FHOD3: variants seen among roughly 807,000 people sequenced by gnomAD.
FHOD3 encodes the protein formin homology 2 domain containing 3, also known as FH1/FH2 domain-containing protein 3.
FHOD3 carries 90 observed loss-of-function variants against 173.0 expected under a neutral mutation model. The observed-to-expected ratio is 0.52, with a 90% CI of 0.44 to 0.62. The LOEUF (loss-of-function observed/expected upper bound fraction) is 0.62, where lower values mean the gene tolerates loss of function less well. FHOD3 is among the 20% of genes least tolerant of loss of function. The probability of loss-of-function intolerance (pLI) is 0.00; values close to 1 mark genes in which losing one functional copy is unlikely to be tolerated. For missense variants in FHOD3, 1,945 were observed against 2,034.7 expected, an observed-to-expected ratio of 0.96 and a Z score of 0.85; for synonymous variants, 828 against 823.0, an observed-to-expected ratio of 1.01 and a Z score of -0.10.
At chr18:36,451,456 C>A (rs534762702) in intron 3 of FHOD3, among the ~76,000 whole-genome samples, 2 of 152,226 alleles carry the variant, frequency 1.3e-5, no homozygotes, top group African/African-American at 4.8e-5. Flanking sequence ...CATAAATCCC[C>A]CTTTCTCTCT....
Position 36,770,786 on chromosome 18 carries a change from G to A in FHOD3, c.4786+1360G>A, listed in dbSNP as rs1269373257. The stretch of plus-strand genomic sequence containing the variant: ...AGAGATGTTTAAATTCCTGATATCT[G>A]GGCTGCACCCACACACACTACTTCA... On this transcript the variant is annotated intron_variant, in intron 28 of 28. Transcript: ENST00000590592. Among the ~76,000 whole-genome samples the A allele has an allele frequency of 2.6e-5, 4 of 152,110 alleles. No homozygotes were observed. The East Asian group carries it at 7.7e-4, about 29-fold the overall frequency.
chr18:36,586,769 C>T (rs1285523753), intron 6 of FHOD3, among the ~76,000 whole-genome samples: 3 of 152,140 alleles, frequency 2.0e-5, no homozygotes, highest in Non-Finnish European at 4.4e-5. Context: ...CATGAGCCAC[C>T]GTGCCTGGCC....
At chr18:36,499,491 G>T (rs978315228) in intron 3 of FHOD3, among the ~76,000 whole-genome samples, 5 of 152,162 alleles carry the variant, frequency 3.3e-5, no homozygotes, top group Non-Finnish European at 5.9e-5. Context: ...TTCTTTGGGG[G>T]TATACATGGC....
At chr18:36,514,275 G>C (rs529864959) in intron 5 of FHOD3, among the ~76,000 whole-genome samples, 132 of 151,988 alleles carry the variant, frequency 8.7e-4, no homozygotes, top group Non-Finnish European at 1.6e-3. Flanking sequence ...TCCCCAAGTG[G>C]TGGGATTACA....
In FHOD3 at chr18:36,711,384, T is replaced by C. The variant is rs565886557; in HGVS notation, c.2533+1993T>C. On this transcript the variant is annotated intron_variant, in intron 18 of 28. Coordinates refer to ENST00000590592, the MANE Select transcript of FHOD3 (RefSeq NM_001281740.3). The stretch of plus-strand genomic sequence containing the variant: ...TTGAAAAAGTCTCATTCCAGTTATG[T>C]GGTTTAATTTTTCTTTGTTTAATGT... The C allele has an allele frequency of 2.0e-5, 3 of 152,334 alleles. No individual in the cohort carries two copies. The South Asian group carries it at 6.2e-4, about 32-fold the overall frequency. The allele number at this position is 152,334 out of a possible 1,614,324, so 9.4% of individuals were successfully genotyped here.
intron 3 of FHOD3, among the ~76,000 whole-genome samples, chr18:36,429,429 C>T (rs531643585): frequency 5.9e-5 from 9 of 152,218 alleles, no homozygotes; most frequent in East Asian, 3.9e-4. Context: ...GCTCCAGGTA[C>T]GGGTGGGGGC....
At chr18:36,546,966 A>G (rs570637325) in intron 5 of FHOD3, among the ~76,000 whole-genome samples, 63 of 152,306 alleles carry the variant, frequency 4.1e-4, no homozygotes, top group African/African-American at 1.5e-3. Flanking sequence ...CAATGTGCCC[A>G]TGACATTTGG....
At chr18:36,738,660 C>T (rs748700930) in intron 20 of FHOD3, among the ~76,000 whole-genome samples, 1 of 152,144 alleles carries the variant, frequency 6.6e-6, no homozygotes, top group Non-Finnish European at 1.5e-5. Context: ...CATATAGAGT[C>T]TAGTTGTTCT....
At chr18:36,702,625 C>G (rs2039652394) in intron 17 of FHOD3, among the ~76,000 whole-genome samples, 1 of 152,202 alleles carries the variant, frequency 6.6e-6, no homozygotes, top group Admixed American at 6.5e-5. Flanking sequence ...GCAGAGTCAT[C>G]TAGACACTAC....
chr18:36,450,785 C>G (rs1484782283), intron 3 of FHOD3, among the ~76,000 whole-genome samples: 1 of 152,074 alleles, frequency 6.6e-6, no homozygotes, highest in East Asian at 1.9e-4. Context: ...AGAGCAGGAC[C>G]CTGTCTTTTA....
chr18:36,449,538 A>G (rs999276448), intron 3 of FHOD3, among the ~76,000 whole-genome samples: 1 of 152,146 alleles, frequency 6.6e-6, no homozygotes, highest in Non-Finnish European at 1.5e-5. Context: ...CCCCATATTA[A>G]CTGCTTTCCT....
At chr18:36,713,626 T>C (rs1027695356) in intron 18 of FHOD3, among the ~76,000 whole-genome samples, 1 of 152,194 alleles carries the variant, frequency 6.6e-6, no homozygotes, top group African/African-American at 2.4e-5. Context: ...CAATAATGTG[T>C]ATATTTCAAA....
At chr18:36,410,724 T>G (rs1470892304) in intron 3 of FHOD3, among the ~76,000 whole-genome samples, 1 of 152,214 alleles carries the variant, frequency 6.6e-6, no homozygotes, top group African/African-American at 2.4e-5. Context: ...CATCTCAGCA[T>G]GATTTTGATT....
chr18:36,343,898 T>C (rs990946230), intron 1 of FHOD3, among the ~76,000 whole-genome samples: 1 of 151,924 alleles, frequency 6.6e-6, no homozygotes, highest in Non-Finnish European at 1.5e-5. Flanking sequence ...AGAAAGGAGA[T>C]TAGTGGTTGT....
intron 15 of FHOD3, among the ~76,000 whole-genome samples, chr18:36,682,818 A>G (rs1462616537): frequency 6.6e-6 from 1 of 152,184 alleles, no homozygotes; most frequent in Non-Finnish European, 1.5e-5. Context: ...ACCTCAAGTG[A>G]TCCACCTGCC....
intron 1 of FHOD3, among the ~76,000 whole-genome samples, chr18:36,301,822 A>G (rs1035649531): frequency 1.3e-5 from 2 of 152,254 alleles, no homozygotes; most frequent in African/African-American, 4.8e-5. Context: ...TTTTTACAAA[A>G]CACTGGTGAC....
chr18:36,345,550 T>C (rs116466049), intron 1 of FHOD3, among the ~76,000 whole-genome samples: 1,593 of 152,316 alleles, frequency 0.01, 22 homozygotes, highest in African/African-American at 0.036. Flanking sequence ...GAGATCCTCC[T>C]GCCTTAGCCT....
intron 9 of FHOD3, among the ~76,000 whole-genome samples, chr18:36,613,186 G>A (rs1386784253): frequency 6.6e-6 from 1 of 152,212 alleles, no homozygotes; most frequent in African/African-American, 2.4e-5. Context: ...CAGAACTCCT[G>A]CCTATCACCA....
At chr18:36,695,073 TG>T (rs1198200834) in intron 17 of FHOD3, among the ~76,000 whole-genome samples, 1 of 151,820 alleles carries the variant, frequency 6.6e-6, no homozygotes, top group Non-Finnish European at 1.5e-5. Flanking sequence ...CTGGGCACAG[TG>T]GCTCTTGCGT....
Sources: allele counts gnomAD v4.1 joint callset (sites outside exome capture counted in the v4.1 genomes callset), GRCh38; gene constraint gnomAD v4.1.1; transcripts MANE v1.5; gene names NCBI Gene and HGNC (gene_info 2026-07-23, HGNC 2026-07-21).